LRRC25: variants seen among roughly 807,000 people sequenced by gnomAD.
LRRC25 encodes the protein leucine-rich repeat-containing protein 25.
Under a neutral mutation model 18.8 loss-of-function variants are expected in LRRC25, and 5 were observed. The observed-to-expected ratio is 0.27, with a 90% CI of 0.14 to 0.56. The LOEUF (loss-of-function observed/expected upper bound fraction) is 0.56, where lower values mean the gene tolerates loss of function less well. LRRC25 is among the 20% of genes least tolerant of loss of function. LRRC25 has a pLI of 0.93. For missense variants in LRRC25, 341 were observed against 389.8 expected (o/e 0.87, Z 1.05); for synonymous variants, 161 against 176.8 (o/e 0.91, Z 0.71).
chr19:18,394,979 T>TGA (rs1971949380), intron 1 of LRRC25, among the ~76,000 whole-genome samples: 1 of 152,104 alleles, frequency 6.6e-6, no homozygotes, highest in Non-Finnish European at 1.5e-5. Context: ...CTCTGGAGAC[T>TGA]GAGGCAGGAG....
At position 18,396,574 on chromosome 19, in the gene LRRC25, G is replaced by C; in HGVS notation, c.390C>G (p.Asn130Lys). ...AGAGCAGAGGCTTCTGGCCAGAGCA[G>C]TTGTCTCGGCGGATGTCGTGCCAGG... ...LESWHDIRRDNCSGQKPLLCW... is the reference protein window; with the variant it reads ...LESWHDIRRDKCSGQKPLLCW... The change falls in exon 1 of 2, where the codon AAC (asparagine) becomes AAG (lysine). Residue 130 changes from asparagine to lysine, a missense_variant. Coordinates refer to ENST00000339007, the MANE Select transcript of LRRC25 (RefSeq NM_145256.3). The C allele has an allele frequency of 1.2e-6, 2 of 1,613,910 alleles. No homozygotes were observed. Among genetic ancestry groups the C allele is most frequent in the Middle Eastern group, 1.6e-4 (1 of 6,062 alleles).
At chr19:18,394,463 T>C (rs1170415427) in intron 1 of LRRC25, among the ~76,000 whole-genome samples, 1 of 152,000 alleles carries the variant, frequency 6.6e-6, no homozygotes, top group East Asian at 1.9e-4. Flanking sequence ...CCCACGACCA[T>C]GCCCGGCTAA....
In LRRC25 at chr19:18,396,810, G is replaced by A. The variant is rs138549814; in HGVS notation, c.154C>T (p.Leu52=). ...CLNFSGLSLS[L]PHNQSLRASN... The stretch of plus-strand genomic sequence containing the variant: ...GCCCGCAGAGACTGGTTGTGAGGCA[G>A]GCTCAGGCTGAGGCCACTGAAATTC... The change falls in exon 1 of 2, where the codon CTG becomes TTG. Residue 52 remains leucine, a synonymous_variant. Transcript: ENST00000339007. 3.7e-6 allele frequency: 6 copies of A among 1,613,990 alleles called. No homozygotes were observed. The highest frequency in any genetic ancestry group is 4.5e-5 in the East Asian group (2 of 44,900).
chr19:18,396,267 C>T lies in LRRC25; in HGVS notation c.697G>A (p.Val233Met), dbSNP rs200345004. The T allele has an allele frequency of 6.2e-6, 10 of 1,613,430 alleles. No homozygotes were observed. The African/African-American group carries it at 8.0e-5, about 13-fold the overall frequency. Residue 233 changes from valine to methionine, a missense_variant, in exon 1 of 2, where the codon GTG becomes ATG. Physicochemically the swap from Val to Met is conservative, Grantham distance 21. Transcript: ENST00000339007. ...TCGGGAGTGGAGGGGCAGGATGGCA[C>T]GGCCACTTGGGGCTTGGGGGCGCTC... is the stretch of plus-strand genomic sequence containing the variant. ...SRSAPKPQVA[V>M]PSCPSTPDYE...
Position 18,396,467 on chromosome 19 carries a change from A to G in LRRC25, c.497T>C (p.Ile166Thr), listed in dbSNP as rs1971970909. 6.2e-7 allele frequency: 1 copy of G among 1,613,390 alleles called. No individual in the cohort carries two copies. Among genetic ancestry groups the G allele is most frequent in the African/African-American group, 1.3e-5 (1 of 74,912 alleles). Residue 166 changes from isoleucine to threonine, a missense_variant, in exon 1 of 2, where the codon ATC becomes ACC. Coordinates refer to ENST00000339007, the MANE Select transcript of LRRC25 (RefSeq NM_145256.3). ...GCACCCGCTGACCACCACTGCCCCG[A>G]TAGTTGCAGAGGCCAGGCCAGGGGC... ...SCAPGLASAT[I>T]GAVVVSGCLL...
intron 1 of LRRC25, among the ~76,000 whole-genome samples, chr19:18,394,609 T>C (rs1030199438): frequency 6.6e-6 from 1 of 152,010 alleles, no homozygotes; most frequent in African/African-American, 2.4e-5. Flanking sequence ...CCGGCCTAAT[T>C]TTTGTATTTT....
intron 1 of LRRC25, 36 bp from the exon 2 acceptor site, chr19:18,392,161 G>T (rs112850161): frequency 1.9e-6 from 3 of 1,604,598 alleles, no homozygotes; most frequent in East Asian, 2.2e-5. Context: ...AAGTGTGGGA[G>T]GGGGAGGACT....
Position 18,392,161 on chromosome 19 carries a change from G to C in LRRC25, c.780-36C>G, listed in dbSNP as rs112850161. ...AGACAGACCAGGGGTAAGTGTGGGA[G>C]GGGGAGGACTCAGGGGACAGGCACA... On this transcript the variant is annotated intron_variant, in intron 1 of 1. Transcript: ENST00000339007. The C allele has an allele frequency of 5.1e-3, 8,152 of 1,604,562 alleles. 362 individuals are homozygous for C. In the African/African-American group the frequency reaches 0.096, roughly 19 times the overall value.
At chr19:18,393,844 T>C (rs951979522) in intron 1 of LRRC25, among the ~76,000 whole-genome samples, 3 of 151,926 alleles carry the variant, frequency 2.0e-5, no homozygotes, top group African/African-American at 7.3e-5. Flanking sequence ...AATGACACAG[T>C]CAATTCTAAA....
At chr19:18,394,598 C>T (rs560912348) in intron 1 of LRRC25, among the ~76,000 whole-genome samples, 1 of 152,282 alleles carries the variant, frequency 6.6e-6, no homozygotes, top group East Asian at 1.9e-4. Flanking sequence ...AGCCACCGTG[C>T]CCGGCCTAAT....
At position 18,396,697 on chromosome 19, in the gene LRRC25, G is replaced by A; in HGVS notation, c.267C>T (p.Val89=). The A allele has an allele frequency of 1.2e-6, 2 of 1,614,112 alleles. No homozygotes were observed. Among genetic ancestry groups the A allele is most frequent in the South Asian group, 2.2e-5 (2 of 91,076 alleles). The change falls in exon 1 of 2, where the codon GTC becomes GTT. Residue 89 remains valine, a synonymous_variant. Coordinates refer to ENST00000339007, the MANE Select transcript of LRRC25 (RefSeq NM_145256.3). ...ACAAGGGGTTGCGTAGCACGTTCAG[G>A]ACCTCAAGCTTCTGCAGGTGGGCAA... ...TFFAHLQKLE[V]LNVLRNPLSR...
In LRRC25 at chr19:18,391,643, C is replaced by T. The variant is rs1239051754; in HGVS notation, c.*344G>A. 1.5e-5 allele frequency: 3 copies of T among 195,774 alleles called. No homozygotes were observed. Among genetic ancestry groups the T allele is most frequent in the South Asian group, 1.1e-4 (1 of 8,962 alleles). 12.1% of individuals were successfully genotyped at this position (195,774 alleles called of 1,614,324 possible). ...CTTGGTCTTAGAACTCAGAAATCCCCACCTTGAGGAACCCACGCACCCTGA... is the reference window on the plus strand; with the variant it reads ...CTTGGTCTTAGAACTCAGAAATCCCTACCTTGAGGAACCCACGCACCCTGA... On this transcript the variant is annotated 3_prime_UTR_variant, in exon 2 of 2. Coordinates refer to ENST00000339007, the MANE Select transcript of LRRC25 (RefSeq NM_145256.3).
intron 1 of LRRC25, among the ~76,000 whole-genome samples, chr19:18,395,616 T>C (rs1971958274): frequency 1.3e-5 from 2 of 152,138 alleles, no homozygotes; most frequent in Admixed American, 6.6e-5. Flanking sequence ...AAACTGGGTT[T>C]ACAGGTCATA....
chr19:18,392,758 G>A (rs1971918181), intron 1 of LRRC25, among the ~76,000 whole-genome samples: 1 of 152,196 alleles, frequency 6.6e-6, no homozygotes, highest in African/African-American at 2.4e-5. Flanking sequence ...GGGAGGCCAA[G>A]GCAGAAGGTC....
In LRRC25 at chr19:18,392,040, A is replaced by G; in HGVS notation, c.865T>C (p.Ser289Pro). The part of the protein sequence containing the change: ...ASQPVYCNLQ[S>P]LGQAPMDEEE... ...TCATCCATTGGGGCCTGGCCCAGTG[A>G]CTGCAGGTTACAGTAGACAGGCTGG... Residue 289 changes from serine to proline, a missense_variant, in exon 2 of 2, where the codon TCA (serine) becomes CCA (proline). Ser to Pro is a moderately conservative substitution (Grantham distance 74). Transcript: ENST00000339007. The G allele has an allele frequency of 6.2e-7, 1 of 1,614,128 alleles. No individual in the cohort carries two copies. The highest frequency in any genetic ancestry group is 8.5e-7 in the Non-Finnish European group (1 of 1,180,010).
intron 1 of LRRC25, among the ~76,000 whole-genome samples, chr19:18,395,862 A>C (rs1971961465): frequency 6.6e-6 from 1 of 152,100 alleles, no homozygotes. Context: ...CTGGAACCAC[A>C]GGCGCCCGCC....
rs1338869736 is a variant in LRRC25, at chr19:18,397,106, G to C, written c.-143C>G. On this transcript the variant is annotated 5_prime_UTR_variant, in exon 1 of 2. Coordinates refer to ENST00000339007, the MANE Select transcript of LRRC25 (RefSeq NM_145256.3). ...AATGGTAAAACGCAGCCCCAGTCTG[G>C]TCGCCTCCTTTGGCTGGTGGGCTGC... 1.1e-6 allele frequency: 1 copy of C among 895,636 alleles called. No individual in the cohort carries two copies. The highest frequency in any genetic ancestry group is 1.7e-5 in the African/African-American group (1 of 59,496). 55.5% of individuals were successfully genotyped at this position (895,636 alleles called of 1,614,324 possible).
At position 18,396,659 on chromosome 19, in the gene LRRC25, C is replaced by T; in HGVS notation, c.305G>A (p.Gly102Glu). 6.2e-7 allele frequency: 1 copy of T among 1,614,050 alleles called. No homozygotes were observed. The highest frequency in any genetic ancestry group is 8.5e-7 in the Non-Finnish European group (1 of 1,180,008). Residue 102 changes from glycine (G) to glutamate (E), a missense_variant, in exon 1 of 2, where the codon GGG (glycine) becomes GAG (glutamate). By Grantham distance (98) the Gly-to-Glu change is moderately conservative (BLOSUM62 -2). Transcript: ENST00000339007. ...AAGGTCACAGCGGGCGGCCAGCGCCCCATCCACACGAGACAAGGGGTTGCG... is the reference window on the plus strand; with the variant it reads ...AAGGTCACAGCGGGCGGCCAGCGCCTCATCCACACGAGACAAGGGGTTGCG... ...VLRNPLSRVD[G>E]ALAARCDLDL...
chr19:18,394,084 C>A (rs1329748996), intron 1 of LRRC25, among the ~76,000 whole-genome samples: 1 of 152,046 alleles, frequency 6.6e-6, no homozygotes, highest in East Asian at 1.9e-4. Context: ...ACGGACTCTG[C>A]TGCCCAAACA....
Sources: gnomAD v4.1 joint callset for allele counts (sites outside exome capture counted in the v4.1 genomes callset) on GRCh38, gnomAD v4.1.1 for gene constraint, MANE v1.5 for transcripts, NCBI Gene and HGNC (gene_info 2026-07-23, HGNC 2026-07-21) for gene names.